Variants in RARB observed in about 807,000 individuals in gnomAD.
The protein encoded by RARB is HBV-activated protein.
In RARB, 17 loss-of-function variants were observed where a neutral mutation model predicts 51.9. The observed-to-expected ratio is 0.33, with a 90% confidence interval of 0.22 to 0.49. The LOEUF (loss-of-function observed/expected upper bound fraction) is 0.49. Among genes scored for constraint, RARB ranks in the 20% least tolerant of loss-of-function variants. The pLI is 0.99. For missense variants in RARB, 369 were observed against 550.8 expected (o/e 0.67, Z 3.30); for synonymous variants, 215 against 195.4 (o/e 1.10, Z -0.84).
chr3:25,089,995 C>T (rs999203930), intron 3 of RARB, among the ~76,000 whole-genome samples: 1 of 152,088 alleles, frequency 6.6e-6, no homozygotes, highest in African/African-American at 2.4e-5. Flanking sequence ...TGACTTCTAT[C>T]CAGGTCTACT....
At chr3:25,394,749 G>A (rs2125489892) in intron 5 of RARB, among the ~76,000 whole-genome samples, 1 of 152,168 alleles carries the variant, frequency 6.6e-6, no homozygotes, top group Admixed American at 6.5e-5. Flanking sequence ...CATTTGCCTG[G>A]AATATCTTTT....
intron 2 of RARB, among the ~76,000 whole-genome samples, chr3:24,933,121 GTTGT>G (rs555323866): frequency 4.6e-5 from 7 of 152,048 alleles, no homozygotes; most frequent in East Asian, 3.9e-4. Context: ...GAAAAAATAA[GTTGT>G]TTATTTCCCT....
chr3:25,377,667 G>T (rs1575354918), intron 5 of RARB, among the ~76,000 whole-genome samples: 1 of 152,250 alleles, frequency 6.6e-6, no homozygotes, highest in South Asian at 2.1e-4. Flanking sequence ...TAAAGAAAAA[G>T]TGGGGAGACA....
At chr3:25,488,491 T>G (rs1324474410) in intron 2 of RARB, among the ~76,000 whole-genome samples, 1 of 152,032 alleles carries the variant, frequency 6.6e-6, no homozygotes, top group African/African-American at 2.4e-5. Context: ...TTCCATGGAA[T>G]GATCACCTGA....
chr3:25,381,939 C>T (rs998251491), intron 5 of RARB, among the ~76,000 whole-genome samples: 10 of 152,116 alleles, frequency 6.6e-5, no homozygotes, highest in South Asian at 2.1e-4. Flanking sequence ...AGAATGTAGC[C>T]GTCTCCATCT....
chr3:24,911,247 T>A lies in RARB; in HGVS notation c.-380+52495T>A, dbSNP rs369165852. Among the ~76,000 whole-genome samples, 66 of 152,274 alleles carry A rather than the reference T, an allele frequency of 4.3e-4. 1 individual carries two copies. The South Asian group carries it at 0.013, about 31-fold the overall frequency. ...GTACTCAGTAAAAGAGAATTAGAAT[T>A]CTTAAGAAATGAACACACAGACCTC... On this transcript the variant is annotated intron_variant, in intron 2 of 11. Coordinates refer to the RARB transcript ENST00000383772.
chr3:25,562,635 C>T (rs1368658461), intron 3 of RARB, among the ~76,000 whole-genome samples: 1 of 152,158 alleles, frequency 6.6e-6, no homozygotes, highest in Non-Finnish European at 1.5e-5. Flanking sequence ...TTTCTTTTTT[C>T]TCATTTCTGG....
At chr3:25,433,847 C>T (rs1708308800) in intron 1 of RARB, among the ~76,000 whole-genome samples, 1 of 152,166 alleles carries the variant, frequency 6.6e-6, no homozygotes, top group Admixed American at 6.5e-5. Flanking sequence ...ACTCCCCAAA[C>T]CCCTTTAAAT....
intron 3 of RARB, among the ~76,000 whole-genome samples, chr3:25,072,861 A>G (rs149404611): frequency 6.6e-6 from 1 of 152,044 alleles, no homozygotes; most frequent in African/African-American, 2.4e-5. Context: ...GGCACCCGCC[A>G]CCACGCCGGG....
intron 1 of RARB, among the ~76,000 whole-genome samples, chr3:24,845,760 TCCAC>T (rs1253928302): frequency 6.6e-6 from 1 of 151,456 alleles, no homozygotes; most frequent in Non-Finnish European, 1.5e-5. Context: ...ATAGCCCCCC[TCCAC>T]CCACCTGAAG....
At chr3:25,229,651 G>A (rs1233084837) in intron 5 of RARB, among the ~76,000 whole-genome samples, 2 of 150,496 alleles carry the variant, frequency 1.3e-5, no homozygotes, top group Non-Finnish European at 3.0e-5. Flanking sequence ...CTTTGAATGG[G>A]CACCCTTTTT....
intron 5 of RARB, among the ~76,000 whole-genome samples, chr3:25,240,213 G>T (rs541007230): frequency 1.4e-4 from 21 of 151,972 alleles, no homozygotes; most frequent in African/African-American, 4.6e-4. Context: ...AATTTATTAG[G>T]TGTAAGAATT....
At chr3:25,348,408 A>C (rs1261073199) in intron 5 of RARB, among the ~76,000 whole-genome samples, 1 of 152,052 alleles carries the variant, frequency 6.6e-6, no homozygotes, top group Admixed American at 6.6e-5. Flanking sequence ...AGATTATAAA[A>C]GTGTCAGCTC....
intron 5 of RARB, among the ~76,000 whole-genome samples, chr3:25,280,640 G>A (rs1703500387): frequency 6.6e-6 from 1 of 152,212 alleles, no homozygotes; most frequent in African/African-American, 2.4e-5. Context: ...CAGAGACACA[G>A]ATGTTACGTC....
chr3:25,387,466 GA>G (rs1052619270), intron 5 of RARB, among the ~76,000 whole-genome samples: 2 of 152,134 alleles, frequency 1.3e-5, no homozygotes, highest in African/African-American at 2.4e-5. Flanking sequence ...GCAAAAAGGA[GA>G]AAAAACTGGC....
chr3:25,309,977 C>G (rs1704250062), intron 5 of RARB, among the ~76,000 whole-genome samples: 1 of 152,224 alleles, frequency 6.6e-6, no homozygotes, highest in Non-Finnish European at 1.5e-5. Context: ...GAAGGCTGCT[C>G]TACACATATT....
At chr3:25,207,665 C>G (rs916392775) in intron 5 of RARB, among the ~76,000 whole-genome samples, 1 of 151,878 alleles carries the variant, frequency 6.6e-6, no homozygotes, top group African/African-American at 2.4e-5. Flanking sequence ...GGAATAAAAC[C>G]CTGTAAAGAG....
intron 4 of RARB, among the ~76,000 whole-genome samples, chr3:25,152,758 G>A (rs923468045): frequency 1.6e-4 from 24 of 152,084 alleles, no homozygotes; most frequent in African/African-American, 5.3e-4. Flanking sequence ...GTGAGTCTTG[G>A]CAGCTGACAT....
chr3:25,045,025 G>A (rs1044001207), intron 2 of RARB, among the ~76,000 whole-genome samples: 4 of 152,146 alleles, frequency 2.6e-5, no homozygotes, highest in Non-Finnish European at 5.9e-5. Flanking sequence ...TATGACCAAT[G>A]ACTTCTGAAA....
Sources: gnomAD v4.1 joint callset for allele counts (sites outside exome capture counted in the v4.1 genomes callset) on GRCh38, gnomAD v4.1.1 for gene constraint, MANE v1.5 for transcripts, NCBI Gene and HGNC (gene_info 2026-07-23, HGNC 2026-07-21) for gene names.